The following CTNNA2 variants were observed in gnomAD, a reference collection of about 807,000 sequenced individuals.
CTNNA2 encodes the protein catenin alpha-2.
In CTNNA2, 42 loss-of-function variants were observed where a neutral mutation model predicts 101.0. The ratio of observed to expected loss-of-function variants is 0.42; its 90% CI spans 0.32 to 0.54. The LOEUF (loss-of-function observed/expected upper bound fraction) is 0.54. Among genes scored for constraint, CTNNA2 ranks in the 20% least tolerant of loss-of-function variants. The probability of loss-of-function intolerance (pLI) is 0.14; values close to 1 mark genes in which losing one functional copy is unlikely to be tolerated. For missense variants in CTNNA2, 871 were observed against 1,223.1 expected (o/e 0.71, Z 4.29); for synonymous variants, 450 against 456.4 (o/e 0.99, Z 0.18).
chr2:79,988,283 C>A (rs1199079126), intron 7 of CTNNA2, among the ~76,000 whole-genome samples: 1 of 152,196 alleles, frequency 6.6e-6, no homozygotes, highest in Non-Finnish European at 1.5e-5. Context: ...AGAGCTTAGA[C>A]TATCGCCACC....
At chr2:79,270,026 C>T (rs1287205538) in intron 2 of CTNNA2, among the ~76,000 whole-genome samples, 1 of 152,122 alleles carries the variant, frequency 6.6e-6, no homozygotes, top group Non-Finnish European at 1.5e-5. Flanking sequence ...GCTCTCCCCA[C>T]TTATTGTCTG....
At chr2:80,295,171 A>C (rs967998967) in intron 7 of CTNNA2, among the ~76,000 whole-genome samples, 1 of 151,340 alleles carries the variant, frequency 6.6e-6, no homozygotes, top group African/African-American at 2.4e-5. Context: ...TCAATTCCTA[A>C]TATCCATTGT....
intron 7 of CTNNA2, among the ~76,000 whole-genome samples, chr2:80,217,152 C>A (rs1022531478): frequency 2.0e-5 from 3 of 151,846 alleles, no homozygotes; most frequent in East Asian, 3.9e-4. Flanking sequence ...TCTTAGAGGC[C>A]CCACAAAATG....
intron 7 of CTNNA2, among the ~76,000 whole-genome samples, chr2:80,164,152 G>A (rs897339911): frequency 1.1e-4 from 17 of 151,734 alleles, no homozygotes; most frequent in Non-Finnish European, 2.5e-4. Context: ...TGCATTTAAT[G>A]TAATTATTGG....
intron 7 of CTNNA2, among the ~76,000 whole-genome samples, chr2:80,360,980 C>G (rs1181613558): frequency 6.6e-6 from 1 of 151,656 alleles, no homozygotes; most frequent in Non-Finnish European, 1.5e-5. Context: ...AGATGATTTT[C>G]CAGAACCTGA....
At chr2:80,084,533 C>T (rs368209075) in intron 7 of CTNNA2, among the ~76,000 whole-genome samples, 5 of 151,962 alleles carry the variant, frequency 3.3e-5, no homozygotes, top group African/African-American at 4.8e-5. Context: ...ACAATCAGCT[C>T]GTATTGAATT....
intron 7 of CTNNA2, among the ~76,000 whole-genome samples, chr2:80,384,270 C>A (rs1294544590): frequency 6.6e-6 from 1 of 151,866 alleles, no homozygotes; most frequent in East Asian, 1.9e-4. Flanking sequence ...ACTTATGTCA[C>A]AAAATATCTG....
intron 12 of CTNNA2, among the ~76,000 whole-genome samples, chr2:80,567,684 C>G (rs1198353146): frequency 6.6e-6 from 1 of 152,042 alleles, no homozygotes; most frequent in Admixed American, 6.6e-5. Context: ...CCACAGTGAT[C>G]CTCCAAATTA....
At chr2:79,807,191 T>A (rs890873514) in intron 3 of CTNNA2, among the ~76,000 whole-genome samples, 1 of 152,174 alleles carries the variant, frequency 6.6e-6, no homozygotes, top group Non-Finnish European at 1.5e-5. Context: ...TCTACTAGAC[T>A]GGGAATTATT....
chr2:80,032,330 A>G (rs937833727), intron 7 of CTNNA2, among the ~76,000 whole-genome samples: 1 of 152,200 alleles, frequency 6.6e-6, no homozygotes, highest in African/African-American at 2.4e-5. Flanking sequence ...TGCATGAAAT[A>G]TGACTAAACA....
chr2:80,301,049 T>G (rs746126823), intron 7 of CTNNA2, among the ~76,000 whole-genome samples: 1 of 152,042 alleles, frequency 6.6e-6, no homozygotes, highest in Non-Finnish European at 1.5e-5. Flanking sequence ...CTCAGAAATA[T>G]GCAAACACAG....
intron 3 of CTNNA2, among the ~76,000 whole-genome samples, chr2:79,778,338 C>T (rs1226831675): frequency 6.7e-6 from 1 of 149,340 alleles, no homozygotes; most frequent in Non-Finnish European, 1.5e-5. Flanking sequence ...GAGTGAGACT[C>T]CATCAAAAAA....
At chr2:80,004,672 CATTT>C (rs59472149) in intron 7 of CTNNA2, among the ~76,000 whole-genome samples, 8,152 of 145,540 alleles carry the variant, frequency 0.056, 506 homozygotes, top group African/African-American at 0.16. Flanking sequence ...TTTTATTTTA[CATTT>C]ATTTATTTAT....
At chr2:80,140,327 C>CTA (rs538467690) in intron 7 of CTNNA2, among the ~76,000 whole-genome samples, 1 of 152,268 alleles carries the variant, frequency 6.6e-6, no homozygotes, top group Non-Finnish European at 1.5e-5. Flanking sequence ...TGGCCACATA[C>CTA]TATACACTTT....
At chr2:79,808,593 A>G (rs1489924016) in intron 3 of CTNNA2, among the ~76,000 whole-genome samples, 1 of 152,118 alleles carries the variant, frequency 6.6e-6, no homozygotes, top group East Asian at 1.9e-4. Flanking sequence ...TCAATTCTCT[A>G]TTCTTTTATG....
At chr2:79,846,738 G>C (rs986401549) in intron 3 of CTNNA2, among the ~76,000 whole-genome samples, 8 of 152,216 alleles carry the variant, frequency 5.3e-5, no homozygotes, top group South Asian at 2.1e-4. Flanking sequence ...AGCCATTAAA[G>C]ATTTTGATAG....
At chr2:79,750,279 T>A (rs1329840493) in intron 3 of CTNNA2, among the ~76,000 whole-genome samples, 1 of 152,198 alleles carries the variant, frequency 6.6e-6, no homozygotes, top group East Asian at 1.9e-4. Flanking sequence ...CAAACTTTAG[T>A]GAATACTAGA....
chr2:79,953,246 C>T (rs1173671271), intron 7 of CTNNA2, among the ~76,000 whole-genome samples: 1 of 152,166 alleles, frequency 6.6e-6, no homozygotes, highest in South Asian at 2.1e-4. Context: ...TTACGTTTGG[C>T]ACCTCTCCCT....
intron 18 of CTNNA2, among the ~76,000 whole-genome samples, chr2:80,633,919 G>A (rs116582830): frequency 5.9e-5 from 9 of 152,118 alleles, no homozygotes; most frequent in African/African-American, 1.4e-4. Context: ...ACATAGATAC[G>A]TATTGCAATT....
Sources: gnomAD v4.1 joint callset for allele counts (sites outside exome capture counted in the v4.1 genomes callset) on GRCh38, gnomAD v4.1.1 for gene constraint, MANE v1.5 for transcripts, NCBI Gene and HGNC (gene_info 2026-07-23, HGNC 2026-07-21) for gene names.